MSRB2: variants seen among roughly 807,000 people sequenced by gnomAD.
The protein encoded by MSRB2 is methionine-R-sulfoxide reductase B2, mitochondrial.
In MSRB2, 17 loss-of-function variants were observed where a neutral mutation model predicts 19.0. The ratio of observed to expected loss-of-function variants is 0.89; its 90% confidence interval spans 0.61 to 1.34. The LOEUF is 1.34. Among genes scored for constraint, MSRB2 ranks in the 40% most tolerant of loss-of-function variants. The pLI is 0.00. For synonymous variants in MSRB2, 107 were observed against 99.7 expected (o/e 1.07, Z -0.44); for missense variants, 208 against 237.6 (o/e 0.88, Z 0.82).
intron 2 of MSRB2, 72 bp downstream of exon 2, chr10:23,104,316 C>A: frequency 1.6e-6 from 2 of 1,251,390 alleles, no homozygotes; most frequent in Non-Finnish European, 1.1e-6. Context: ...ATAGGTCCAG[C>A]TATGAAACCC....
At position 23,097,169 on chromosome 10, in the gene MSRB2, C is replaced by T. The variant is rs1200214240; in HGVS notation, c.118+1443C>T. ...TCAGTTAAGAAATACTTACGTAAATCATGAAAATTCAATCCAACAAACTGT... is the reference window on the plus strand; with the variant it reads ...TCAGTTAAGAAATACTTACGTAAATTATGAAAATTCAATCCAACAAACTGT... On this transcript the variant is annotated intron_variant, in intron 1 of 4. Transcript: ENST00000376510. Among the ~76,000 whole-genome samples, 3 of 152,186 alleles carry T rather than the reference C, an allele frequency of 2.0e-5. No individual in the cohort carries two copies. The East Asian group carries it at 5.8e-4, about 29-fold the overall frequency.
At chr10:23,115,111 T>A (rs1412122393) in intron 3 of MSRB2, among the ~76,000 whole-genome samples, 1 of 152,140 alleles carries the variant, frequency 6.6e-6, no homozygotes, top group Non-Finnish European at 1.5e-5. Flanking sequence ...TTTGGAGAGC[T>A]TCTGCCTCTC....
intron 3 of MSRB2, among the ~76,000 whole-genome samples, chr10:23,117,178 A>C (rs1167797765): frequency 6.6e-6 from 1 of 152,194 alleles, no homozygotes; most frequent in African/African-American, 2.4e-5. Flanking sequence ...GGTGATACAG[A>C]TGTAACAGAC....
intron 3 of MSRB2, among the ~76,000 whole-genome samples, chr10:23,111,164 C>T (rs1355624852): frequency 2.6e-5 from 4 of 152,218 alleles, no homozygotes; most frequent in Admixed American, 6.5e-5. Context: ...AAGCCGGACC[C>T]GCCTGCAAGG....
At chr10:23,097,100 T>A (rs1287463593) in intron 1 of MSRB2, among the ~76,000 whole-genome samples, 1 of 152,232 alleles carries the variant, frequency 6.6e-6, no homozygotes, top group Admixed American at 6.5e-5. Flanking sequence ...AAAGATGCTT[T>A]AAGCACTAGT....
chr10:23,117,141 G>T (rs902110371), intron 3 of MSRB2, among the ~76,000 whole-genome samples: 1 of 152,138 alleles, frequency 6.6e-6, no homozygotes, highest in Non-Finnish European at 1.5e-5. Context: ...GGATGCTGAG[G>T]CTTCAAAAAA....
In MSRB2 at chr10:23,095,742, C is replaced by A; in HGVS notation, c.118+16C>A. ...GGGGAGGCAGGTAGGACGCGGGTCC[C>A]GCAGGCCCCGCCGCCGCCTACGGCT... On this transcript the variant is annotated intron_variant, in intron 1 of 4. Coordinates refer to ENST00000376510, the MANE Select transcript of MSRB2 (RefSeq NM_012228.4). The A allele has an allele frequency of 1.6e-6, 2 of 1,233,344 alleles. No homozygotes were observed. The highest frequency in any genetic ancestry group is 2.0e-6 in the Non-Finnish European group (2 of 985,094). 76.4% of individuals were successfully genotyped at this position (1,233,344 alleles called of 1,614,324 possible).
At chr10:23,108,989 A>C (rs1279453775) in intron 2 of MSRB2, among the ~76,000 whole-genome samples, 2 of 152,372 alleles carry the variant, frequency 1.3e-5, no homozygotes, top group East Asian at 3.9e-4. Flanking sequence ...TGTGCTGTTA[A>C]TACTACCACA....
rs758345122 is a variant in MSRB2, at chr10:23,119,415, G to C, written c.408G>C (p.Ser136=). The part of the protein sequence containing the change: ...HTGILRRLDT[S]LGSARTEVVC... ...GGATCCTGAGACGTCTGGATACCTC[G>C]TTAGGATCAGCTCGCACAGAGGTTG... Residue 136 remains serine, a synonymous_variant, in exon 4 of 5, where the codon TCG becomes TCC. Transcript: ENST00000376510. 6.2e-7 allele frequency: 1 copy of C among 1,614,118 alleles called. No individual in the cohort carries two copies. Among genetic ancestry groups the C allele is most frequent in the South Asian group, 1.1e-5 (1 of 91,078 alleles).
At chr10:23,097,731 G>A (rs1839882806) in intron 1 of MSRB2, among the ~76,000 whole-genome samples, 1 of 152,166 alleles carries the variant, frequency 6.6e-6, no homozygotes, top group African/African-American at 2.4e-5. Context: ...AATGATAATG[G>A]TAGGGTTGTT....
chr10:23,113,657 T>TTAG (rs1772787265), intron 3 of MSRB2, among the ~76,000 whole-genome samples: 1 of 152,114 alleles, frequency 6.6e-6, no homozygotes, highest in South Asian at 2.1e-4. Flanking sequence ...TGGCTGCAGG[T>TTAG]ATAATTAGTT....
At chr10:23,112,910 T>C (rs937924939) in intron 3 of MSRB2, among the ~76,000 whole-genome samples, 1 of 152,184 alleles carries the variant, frequency 6.6e-6, no homozygotes, top group African/African-American at 2.4e-5. Context: ...AAGCAATAGA[T>C]CCCTCTTAGG....
chr10:23,101,123 G>A (rs1839921975), intron 1 of MSRB2, among the ~76,000 whole-genome samples: 1 of 152,082 alleles, frequency 6.6e-6, no homozygotes, highest in African/African-American at 2.4e-5. Context: ...CAGTGTACAT[G>A]GTACCCAATG....
chr10:23,118,343 T>G (rs904819677), intron 3 of MSRB2, among the ~76,000 whole-genome samples: 1 of 148,942 alleles, frequency 6.7e-6, no homozygotes, highest in East Asian at 2.0e-4. Flanking sequence ...TTTTGTTTTT[T>G]TTTTTTTTTT....
At chr10:23,118,103 T>C (rs1840132913) in intron 3 of MSRB2, among the ~76,000 whole-genome samples, 1 of 152,184 alleles carries the variant, frequency 6.6e-6, no homozygotes, top group African/African-American at 2.4e-5. Context: ...TCATTTATAA[T>C]GTATAATTTG....
intron 2 of MSRB2, among the ~76,000 whole-genome samples, chr10:23,107,201 T>C (rs1176099289): frequency 6.6e-6 from 1 of 152,210 alleles, no homozygotes; most frequent in Non-Finnish European, 1.5e-5. Flanking sequence ...TGTCAAGCGA[T>C]CTTTCTAAAA....
intron 2 of MSRB2, among the ~76,000 whole-genome samples, chr10:23,109,943 G>A (rs567919515): frequency 6.6e-6 from 1 of 152,226 alleles, no homozygotes; most frequent in Non-Finnish European, 1.5e-5. Context: ...CAGAGGACAA[G>A]ACTCTGTTTT....
In MSRB2 at chr10:23,104,241, A is replaced by T. The variant is rs368383198; in HGVS notation, c.216A>T (p.Glu72Asp). The change falls in exon 2 of 5, where the codon GAA becomes GAT. Residue 72 changes from glutamate (E) to aspartate (D), a missense_variant. By Grantham distance (45) the Glu-to-Asp change is conservative. Transcript: ENST00000376510. Reference sequence around the variant, plus strand: ...ACGTCACAAGAGAAAAGGGAACGGAACCGGTAAGCTAAGCTGGTTTACAGT... The same window carrying T: ...ACGTCACAAGAGAAAAGGGAACGGATCCGGTAAGCTAAGCTGGTTTACAGT... ...QFYVTREKGT[E>D]PPFSGIYLNN... The T allele has an allele frequency of 1.9e-6, 3 of 1,612,150 alleles. No homozygotes were observed. The highest frequency in any genetic ancestry group is 2.7e-5 in the African/African-American group (2 of 74,762).
At chr10:23,095,814 A>G (rs1588965504) in intron 1 of MSRB2, 88 bp downstream of exon 1, 1 of 934,406 alleles carries the variant, frequency 1.1e-6, no homozygotes, top group South Asian at 5.0e-5. Flanking sequence ...GGGCCGGTCC[A>G]GGCCGGGCGC....
Sources: gnomAD v4.1 joint callset for allele counts (sites outside exome capture counted in the v4.1 genomes callset) on GRCh38, gnomAD v4.1.1 for gene constraint, MANE v1.5 for transcripts, NCBI Gene and HGNC (gene_info 2026-07-23, HGNC 2026-07-21) for gene names.